The following PCIF1 variants were observed in gnomAD, a reference collection of about 807,000 sequenced individuals.
PCIF1 encodes the protein mRNA (2'-O-methyladenosine-N(6)-)-methyltransferase.
Under a neutral mutation model 86.9 loss-of-function variants are expected in PCIF1, and 12 were observed. The observed-to-expected ratio is 0.14, with a 90% CI of 0.09 to 0.22. The LOEUF is 0.22. PCIF1 is among the 10% of genes least tolerant of loss of function. The pLI, the probability that PCIF1 is intolerant of heterozygous loss-of-function variation, is 1.00. For missense variants in PCIF1, 701 were observed against 951.1 expected (o/e 0.74, Z 3.46); for synonymous variants, 397 against 372.0 (o/e 1.07, Z -0.77).
At chr20:45,945,404 C>T (rs937146741) in intron 11 of PCIF1, among the ~76,000 whole-genome samples, 1 of 152,230 alleles carries the variant, frequency 6.6e-6, no homozygotes, top group African/African-American at 2.4e-5. Context: ...GACGGCGATG[C>T]AGTTCTCGTT....
At chr20:45,940,167 G>A (rs2083457545) in intron 4 of PCIF1, among the ~76,000 whole-genome samples, 1 of 152,176 alleles carries the variant, frequency 6.6e-6, no homozygotes, top group Non-Finnish European at 1.5e-5. Context: ...TGTGTAATGA[G>A]TACTGATCTC....
At chr20:45,935,047 C>T (rs899521934) in intron 1 of PCIF1, among the ~76,000 whole-genome samples, 1 of 151,888 alleles carries the variant, frequency 6.6e-6, no homozygotes, top group Non-Finnish European at 1.5e-5. Context: ...CCGCCGCCAC[C>T]GCCTTTGTGT....
At position 45,941,926 on chromosome 20, in the gene PCIF1, C is replaced by A. The variant is rs144679635; in HGVS notation, c.673+719C>A. On this transcript the variant is annotated intron_variant, in intron 7 of 16. Coordinates refer to ENST00000372409, the MANE Select transcript of PCIF1 (RefSeq NM_022104.4). ...TATGATTAGTAATAAACCTATTTAA[C>A]CTTGCTCAAATATAGAATCCTCTGG... Among the ~76,000 whole-genome samples the A allele has an allele frequency of 3.8e-3, 567 of 149,098 alleles. 2 individuals carry two copies. Among genetic ancestry groups the A allele is most frequent in the African/African-American group, 0.013 (538 of 40,830 alleles).
In PCIF1 at chr20:45,939,084, T is replaced by C. The variant is rs1056183112; in HGVS notation, c.85T>C (p.Cys29Arg). ...AGGTACCTCCAATCAGAGCCAGCCC[T>C]GTTCTCCAAAGCCAATCCGCCTGGT... ...SPGTSNQSQP[C>R]SPKPIRLVQD... Residue 29 changes from cysteine (C) to arginine (R), a missense_variant, in exon 3 of 17, where the codon TGT (cysteine) becomes CGT (arginine). Physicochemically the swap from Cys to Arg is radical, Grantham distance 180. Coordinates refer to ENST00000372409, the MANE Select transcript of PCIF1 (RefSeq NM_022104.4). The C allele has an allele frequency of 3.1e-6, 5 of 1,614,002 alleles. No individual in the cohort carries two copies. Among genetic ancestry groups the C allele is most frequent in the Non-Finnish European group, 4.2e-6 (5 of 1,179,976 alleles).
At chr20:45,937,362 G>A in intron 1 of PCIF1, 56 bp from the exon 2 acceptor site, 1 of 399,142 alleles carries the variant, frequency 2.5e-6, no homozygotes, top group African/African-American at 2.1e-5. Context: ...TGTCCCTCTT[G>A]TCCCTGCCCT....
Position 45,940,811 on chromosome 20 carries a change from T to C in PCIF1, c.390T>C (p.Ile130=), listed in dbSNP as rs1316696901. Residue 130 remains isoleucine (I), a splice_region_variant and synonymous_variant, in exon 6 of 17, where the codon ATT becomes ATC. Transcript: ENST00000372409. ...CACCTTTGTGACTTTCACTACAGAT[T>C]GAAATCCCAGTGACACCCACAGGCC... ...PSGNGVKKPK[I]EIPVTPTGQS... The C allele has an allele frequency of 6.2e-7, 1 of 1,613,224 alleles. No individual in the cohort carries two copies.
intron 11 of PCIF1, among the ~76,000 whole-genome samples, chr20:45,945,326 CAT>C (rs1568796131): frequency 6.6e-6 from 1 of 152,230 alleles, no homozygotes; most frequent in African/African-American, 2.4e-5. Flanking sequence ...TGTGAGTACT[CAT>C]AGGTAACTCA....
At position 45,944,400 on chromosome 20, in the gene PCIF1, G is replaced by A. The variant is rs183144754; in HGVS notation, c.1006-468G>A. ...GTGATTCAGCAAAATTACAAATCCC[G>A]ACAGTCATCTTTGCAAGTAGCTAAA... On this transcript the variant is annotated intron_variant, in intron 10 of 16. Coordinates refer to ENST00000372409, the MANE Select transcript of PCIF1 (RefSeq NM_022104.4). 1.6e-3 allele frequency among the ~76,000 whole-genome samples: 248 copies of A among 152,260 alleles called. 1 individual carries two copies. Among genetic ancestry groups the A allele is most frequent in the Non-Finnish European group, 1.3e-3 (86 of 68,024 alleles).
At chr20:45,934,954 G>C (rs1041087976) in intron 1 of PCIF1, 150 bp downstream of exon 1, 2 of 395,496 alleles carry the variant, frequency 5.1e-6, no homozygotes, top group African/African-American at 4.1e-5. Context: ...ACCCGCGGGT[G>C]GGCGGCCGCG....
Position 45,937,713 on chromosome 20 carries a change from A to G in PCIF1, c.-20+128A>G, listed in dbSNP as rs79029037. The stretch of plus-strand genomic sequence containing the variant: ...TTCGTACCTTGGTCAGTGGTTCTCA[A>G]CCTTTTTGTTATCAAGGCACTTTTT... On this transcript the variant is annotated intron_variant, in intron 2 of 16. Transcript: ENST00000372409. The G allele has an allele frequency of 5.3e-4, 209 of 397,570 alleles. No individual in the cohort carries two copies. In the East Asian group the frequency reaches 6.8e-3, roughly 13 times the overall value. 24.6% of individuals were successfully genotyped at this position (397,570 alleles called of 1,614,324 possible).
chr20:45,942,992 A>G (rs1162104153), intron 7 of PCIF1, 105 bp from the exon 8 acceptor site: 2 of 1,181,578 alleles, frequency 1.7e-6, no homozygotes, highest in African/African-American at 3.1e-5. Context: ...CTGAAGTGGG[A>G]CTGTGTCTTG....
At chr20:45,936,936 C>T (rs937277720) in intron 1 of PCIF1, among the ~76,000 whole-genome samples, 1 of 152,118 alleles carries the variant, frequency 6.6e-6, no homozygotes. Flanking sequence ...CAAAGGAAAC[C>T]AAAACCAACC....
At chr20:45,946,883 G>A (rs927991500) in intron 14 of PCIF1, among the ~76,000 whole-genome samples, 190 bp from the exon 15 acceptor site, 4 of 152,202 alleles carry the variant, frequency 2.6e-5, no homozygotes, top group African/African-American at 9.7e-5. Flanking sequence ...ATCCCAGCCT[G>A]AGCCTCACTC....
At chr20:45,945,177 G>A (rs2083512062) in intron 11 of PCIF1, 147 bp downstream of exon 11, 22 of 1,013,424 alleles carry the variant, frequency 2.2e-5, no homozygotes, top group Admixed American at 2.9e-5. Flanking sequence ...TCTGGGAAAC[G>A]GAGAAGTGAT....
chr20:45,945,650 CCA>C, intron 11 of PCIF1, 59 bp from the exon 12 acceptor site: 1 of 1,574,082 alleles, frequency 6.4e-7, no homozygotes, highest in Admixed American at 1.7e-5. Context: ...AGCATGTGGC[CCA>C]CAGTGGCTGC....
At chr20:45,939,152 T>TGGGGTA (rs746539805) in intron 3 of PCIF1, 29 bp downstream of exon 3, 2 of 1,613,718 alleles carry the variant, frequency 1.2e-6, no homozygotes, top group African/African-American at 2.7e-5. Context: ...AGTGGGGTGG[T>TGGGGTA]GGGGTAGGAA....
At chr20:45,942,987 G>A in intron 7 of PCIF1, 110 bp from the exon 8 acceptor site, 1 of 1,136,758 alleles carries the variant, frequency 8.8e-7, no homozygotes, top group Non-Finnish European at 1.2e-6. Context: ...AGCTTCTGAA[G>A]TGGGACTGTG....
chr20:45,935,771 C>T lies in PCIF1; in HGVS notation c.-188+967C>T, dbSNP rs551689629. 7.9e-5 allele frequency among the ~76,000 whole-genome samples: 12 copies of T among 152,112 alleles called. No individual in the cohort carries two copies. In the South Asian group the frequency reaches 1.5e-3, roughly 18 times the overall value. ...AAATACAAATTCTTGTGTGCCTCAC[C>T]TCCGTATTTATTTCTGGCTTCTGAG... On this transcript the variant is annotated intron_variant, in intron 1 of 16. Transcript: ENST00000372409.
At position 45,946,103 on chromosome 20, in the gene PCIF1, C is replaced by G. The variant is rs781376703; in HGVS notation, c.1416C>G (p.Leu472=). 1 of 1,614,184 alleles carries G rather than the reference C, an allele frequency of 6.2e-7. No homozygotes were observed. The highest frequency in any genetic ancestry group is 8.5e-7 in the Non-Finnish European group (1 of 1,180,034). ...ERFLPRVWCL[L]RRYQMMFGVG... is the part of the protein sequence containing the mutation. Reference sequence around the variant, plus strand: ...TCCTGCCCCGGGTCTGGTGTCTTCTCCGACGGTACCAGGTACAGGCCTGGG... The same window carrying G: ...TCCTGCCCCGGGTCTGGTGTCTTCTGCGACGGTACCAGGTACAGGCCTGGG... The change falls in exon 13 of 17, where the codon CTC becomes CTG. Residue 472 remains leucine, a synonymous_variant. Transcript: ENST00000372409.
Sources: allele counts gnomAD v4.1 joint callset (sites outside exome capture counted in the v4.1 genomes callset), GRCh38; gene constraint gnomAD v4.1.1; transcripts MANE v1.5; gene names NCBI Gene and HGNC (gene_info 2026-07-23, HGNC 2026-07-21).